DKK2: variants seen among roughly 807,000 people sequenced by gnomAD.
DKK2 encodes the protein dickkopf-related protein 2.
A neutral mutation model predicts 28.1 loss-of-function variants in DKK2; 11 were observed. The ratio of observed to expected loss-of-function variants is 0.39; its 90% CI spans 0.25 to 0.65. The LOEUF is 0.65. DKK2 is among the 30% of genes least tolerant of loss of function. DKK2 has a pLI of 0.47. For synonymous variants in DKK2, 135 were observed against 126.5 expected (o/e 1.07, Z -0.45); for missense variants, 326 against 335.5 (o/e 0.97, Z 0.22).
chr4:106,937,409 A>G (rs1364907948), intron 1 of DKK2, among the ~76,000 whole-genome samples: 3 of 132,562 alleles, frequency 2.3e-5, no homozygotes, highest in Non-Finnish European at 4.8e-5. Flanking sequence ...TTCAACAAGA[A>G]GAGCTAACTA....
Position 106,923,949 on chromosome 4 carries a change from G to T in DKK2, c.*5C>A. 6.2e-7 allele frequency: 1 copy of T among 1,613,088 alleles called. No individual in the cohort carries two copies. The highest frequency in any genetic ancestry group is 8.5e-7 in the Non-Finnish European group (1 of 1,179,134). On this transcript the variant is annotated 3_prime_UTR_variant, in exon 4 of 4. Coordinates refer to ENST00000285311, the MANE Select transcript of DKK2 (RefSeq NM_014421.3). ...TCTGCAATTGATGATGTTCCTCAAT[G>T]GTGATCAAATTTTCTGACACACATG...
chr4:107,013,882 C>G (rs958619897), intron 1 of DKK2, among the ~76,000 whole-genome samples: 1 of 151,388 alleles, frequency 6.6e-6, no homozygotes, highest in Admixed American at 6.6e-5. Context: ...GGGCAAAAGA[C>G]TTTAATAGAC....
At chr4:106,945,829 G>A (rs1724768329) in intron 1 of DKK2, among the ~76,000 whole-genome samples, 1 of 152,126 alleles carries the variant, frequency 6.6e-6, no homozygotes, top group African/African-American at 2.4e-5. Flanking sequence ...GAATTTGGGT[G>A]CATAACCTGG....
rs572734565 is a variant in DKK2, at chr4:106,924,371, A to G, written c.530-167T>C. The G allele has an allele frequency of 1.1e-5, 14 of 1,243,274 alleles. No individual in the cohort carries two copies. In the East Asian group the frequency reaches 3.1e-4, roughly 27 times the overall value. The allele number at this position is 1,243,274 out of a possible 1,614,324, so 77.0% of individuals were successfully genotyped here. ...ACCAATTGGCTCTGCCTCTTATCACATAAATCTATTATGGTCTGTTTCCAT... is the reference window on the plus strand; with the variant it reads ...ACCAATTGGCTCTGCCTCTTATCACGTAAATCTATTATGGTCTGTTTCCAT... On this transcript the variant is annotated intron_variant, in intron 3 of 3. Coordinates refer to ENST00000285311, the MANE Select transcript of DKK2 (RefSeq NM_014421.3).
intron 1 of DKK2, among the ~76,000 whole-genome samples, chr4:106,955,908 C>T (rs1164665600): frequency 6.6e-6 from 1 of 152,162 alleles, no homozygotes; most frequent in Non-Finnish European, 1.5e-5. Flanking sequence ...TCCCTCAGCC[C>T]TGCTCCCTGA....
At chr4:106,932,096 C>A (rs1578346289) in intron 1 of DKK2, among the ~76,000 whole-genome samples, 1 of 152,158 alleles carries the variant, frequency 6.6e-6, no homozygotes, top group Non-Finnish European at 1.5e-5. Flanking sequence ...AGGATCTGGA[C>A]ATTGATTTTA....
At chr4:106,945,998 C>T (rs1279686446) in intron 1 of DKK2, among the ~76,000 whole-genome samples, 2 of 152,140 alleles carry the variant, frequency 1.3e-5, no homozygotes, top group Non-Finnish European at 2.9e-5. Flanking sequence ...ACAAACTGCA[C>T]ATATCTCCAG....
chr4:106,936,237 A>G (rs369333561), intron 1 of DKK2, among the ~76,000 whole-genome samples: 13 of 152,000 alleles, frequency 8.6e-5, no homozygotes, highest in East Asian at 7.7e-4. Context: ...AGAAGAATGT[A>G]TAACTAGAAT....
At chr4:106,983,317 G>GA (rs1236779140) in intron 1 of DKK2, among the ~76,000 whole-genome samples, 4 of 68,740 alleles carry the variant, frequency 5.8e-5, no homozygotes, top group African/African-American at 2.3e-4. Context: ...AAGAAAGAAA[G>GA]AAGAAAGAAA....
At chr4:106,945,510 T>C (rs1392620159) in intron 1 of DKK2, among the ~76,000 whole-genome samples, 1 of 152,100 alleles carries the variant, frequency 6.6e-6, no homozygotes, top group Non-Finnish European at 1.5e-5. Context: ...TTAATGAATT[T>C]CCTAAGTATT....
At chr4:106,962,540 TGTGTGTGTGTGTGA>T (rs1234827768) in intron 1 of DKK2, among the ~76,000 whole-genome samples, 6 of 133,742 alleles carry the variant, frequency 4.5e-5, no homozygotes, top group African/African-American at 1.2e-4. Context: ...TGTGTGTGTG[TGTGTGTGTGTGTGA>T]ATGCAGAAGA....
At chr4:107,026,011 G>T (rs17037266) in intron 1 of DKK2, among the ~76,000 whole-genome samples, 2 of 152,048 alleles carry the variant, frequency 1.3e-5, no homozygotes, top group African/African-American at 4.8e-5. Context: ...TTCTTTGTCA[G>T]AGGCATTGAT....
At chr4:106,974,022 T>A (rs1414512907) in intron 1 of DKK2, among the ~76,000 whole-genome samples, 1 of 152,042 alleles carries the variant, frequency 6.6e-6, no homozygotes, top group African/African-American at 2.4e-5. Flanking sequence ...TTTTGTCAGG[T>A]TTGTCAAAGA....
chr4:106,925,839 G>A lies in DKK2; in HGVS notation c.333C>T (p.His111=), dbSNP rs1434640692. 1 of 1,613,576 alleles carries A rather than the reference G, an allele frequency of 6.2e-7. No homozygotes were observed. The highest frequency in any genetic ancestry group is 1.1e-5 in the South Asian group (1 of 91,050). The change falls in exon 2 of 4, where the codon CAC becomes CAT. Residue 111 remains histidine (H), a synonymous_variant. Transcript: ENST00000285311. ...TACTGGGGCAGCACATGCCATCTCGGTGGCAGCGCTTCTTTTTTCTCCGAC... is the reference window on the plus strand; with the variant it reads ...TACTGGGGCAGCACATGCCATCTCGATGGCAGCGCTTCTTTTTTCTCCGAC... ...MVCRRKKKRC[H]RDGMCCPSTR...
chr4:106,940,709 T>C (rs846233), intron 1 of DKK2, among the ~76,000 whole-genome samples: 70,926 of 149,646 alleles, frequency 0.47, 18,656 homozygotes, highest in African/African-American at 0.71. Flanking sequence ...GGAACCAACC[T>C]AAATGTCCAA....
At chr4:106,967,092 ATCAAT>A (rs1722793861) in intron 1 of DKK2, among the ~76,000 whole-genome samples, 1 of 152,170 alleles carries the variant, frequency 6.6e-6, no homozygotes, top group African/African-American at 2.4e-5. Flanking sequence ...TCTTCAATAG[ATCAAT>A]TCATTCATTT....
intron 1 of DKK2, among the ~76,000 whole-genome samples, chr4:106,936,440 A>C (rs1724589758): frequency 6.6e-6 from 1 of 152,214 alleles, no homozygotes; most frequent in Admixed American, 6.5e-5. Flanking sequence ...GAAATGAGCA[A>C]AGCCTCCAAG....
chr4:106,971,886 A>AT, intron 1 of DKK2, among the ~76,000 whole-genome samples: 1 of 151,948 alleles, frequency 6.6e-6, no homozygotes, highest in East Asian at 1.9e-4. Context: ...GGTCACCCAC[A>AT]TTTTGCAGTG....
At chr4:106,948,330 T>C (rs1724809409) in intron 1 of DKK2, among the ~76,000 whole-genome samples, 1 of 152,172 alleles carries the variant, frequency 6.6e-6, no homozygotes, top group South Asian at 2.1e-4. Flanking sequence ...TGAAAATCTA[T>C]GTTTCCAAGT....
Sources: gnomAD v4.1 joint callset for allele counts (sites outside exome capture counted in the v4.1 genomes callset) on GRCh38, gnomAD v4.1.1 for gene constraint, MANE v1.5 for transcripts, NCBI Gene and HGNC (gene_info 2026-07-23, HGNC 2026-07-21) for gene names.